The following NEK4 variants were observed in gnomAD, a reference collection of about 807,000 sequenced individuals.
NEK4 encodes the protein serine/threonine-protein kinase Nek4.
NEK4 carries 86 observed loss-of-function variants against 98.4 expected under a neutral mutation model. That is an observed-to-expected ratio of 0.87 (90% CI 0.73 to 1.05). The LOEUF (loss-of-function observed/expected upper bound fraction) is 1.05, where lower values mean the gene tolerates loss of function less well. Ranked by LOEUF, NEK4 falls within the 50% of genes least tolerant of loss-of-function variation. The probability of loss-of-function intolerance (pLI) is 0.00; values close to 1 mark genes in which losing one functional copy is unlikely to be tolerated. For synonymous variants in NEK4, 328 were observed against 342.2 expected (o/e 0.96, Z 0.46); for missense variants, 898 against 950.3 (o/e 0.94, Z 0.72).
At chr3:52,747,525 A>G (rs897968294) in intron 8 of NEK4, 1 of 152,336 alleles carries the variant, frequency 6.6e-6, no homozygotes, top group Non-Finnish European at 1.5e-5. Flanking sequence ...AAATTAAATC[A>G]TAATGCAACA....
chr3:52,758,036 A>T (rs1698192787), intron 6 of NEK4, among the ~76,000 whole-genome samples: 1 of 151,930 alleles, frequency 6.6e-6, no homozygotes, highest in Non-Finnish European at 1.5e-5. Flanking sequence ...AAAATTAGCC[A>T]GATGTTGTGG....
chr3:52,746,936 T>A, intron 8 of NEK4, 32 bp from the exon 9 acceptor site: 2 of 1,541,668 alleles, frequency 1.3e-6, no homozygotes, highest in Non-Finnish European at 1.8e-6. Flanking sequence ...TTTTAAAGTA[T>A]AGCAGCAACC....
intron 7 of NEK4, 123 bp downstream of exon 7, chr3:52,751,809 C>G (rs1374293462): frequency 5.2e-6 from 5 of 956,640 alleles, no homozygotes; most frequent in Non-Finnish European, 7.8e-6. Context: ...AAATATTCTT[C>G]TATGTTTAAA....
rs1389766204 is a variant in NEK4 at position 52,711,701 on chromosome 3, CTGTT to C, written c.*72_*75del. The stretch of plus-strand genomic sequence containing the variant: ...ACAGTGGTGAGTGGCTTCCAAATGA[CTGTT>C]TGCCCTTGCTTTTTAAGCCAAAATC... On this transcript the variant is annotated 3_prime_UTR_variant, in exon 16 of 16. Coordinates refer to ENST00000233027, the MANE Select transcript of NEK4 (RefSeq NM_003157.6). The C allele has an allele frequency of 9.4e-6, 8 of 848,318 alleles. No individual in the cohort carries two copies. The highest frequency in any genetic ancestry group is 2.2e-4 in the Middle Eastern group (1 of 4,520). 52.5% of individuals were successfully genotyped at this position (848,318 alleles called of 1,614,324 possible).
Position 52,709,226 on chromosome 3 carries a change from A to AAAAG in NEK4, c.*2547_*2550dup, listed in dbSNP as rs2097347869. 1 of 151,988 alleles carries AAAAG rather than the reference A, an allele frequency of 6.6e-6. No homozygotes were observed. Among genetic ancestry groups the AAAAG allele is most frequent in the African/African-American group, 2.4e-5 (1 of 41,356 alleles). 9.4% of individuals were successfully genotyped at this position (151,988 alleles called of 1,614,324 possible). A position where few individuals can be genotyped will look rare whatever the true frequency, so the allele number is the denominator to read the frequency against. ...TGATTGACATTTTAGAACCAATGCC[A>AAAAG]AAAGAGTAACACATCAAAGTCTCTG... On this transcript the variant is annotated 3_prime_UTR_variant, in exon 16 of 16. Coordinates refer to ENST00000233027, the MANE Select transcript of NEK4 (RefSeq NM_003157.6).
chr3:52,711,262 T>C lies in NEK4; in HGVS notation c.*515A>G, dbSNP rs937220661. ...GAAATACAGCTGCTCAAGTACTAGA[T>C]AGAACTTCATATTCTTTAAATCTAT... On this transcript the variant is annotated 3_prime_UTR_variant, in exon 16 of 16. Transcript: ENST00000233027. 2.6e-5 allele frequency: 4 copies of C among 152,306 alleles called. No homozygotes were observed. The highest frequency in any genetic ancestry group is 4.4e-5 in the Non-Finnish European group (3 of 68,058). 9.4% of individuals were successfully genotyped at this position (152,306 alleles called of 1,614,324 possible). A position where few individuals can be genotyped will look rare whatever the true frequency, so the allele number is the denominator to read the frequency against.
intron 15 of NEK4, among the ~76,000 whole-genome samples, chr3:52,726,837 G>A (rs1003843533): frequency 2.6e-5 from 4 of 152,072 alleles, no homozygotes; most frequent in African/African-American, 9.7e-5. Flanking sequence ...CTGGGAGGCG[G>A]AGGTTGCAGT....
chr3:52,743,336 G>A lies in NEK4; in HGVS notation c.2004+16C>T. The A allele has an allele frequency of 6.3e-7, 1 of 1,593,026 alleles. No homozygotes were observed. The highest frequency in any genetic ancestry group is 1.1e-5 in the South Asian group (1 of 90,684). On this transcript the variant is annotated intron_variant, in intron 12 of 15. Coordinates refer to ENST00000233027, the MANE Select transcript of NEK4 (RefSeq NM_003157.6). ...TGTAGACTGTCCACCTTCTCTCTTAGGAGTACGTAATGCACCTGAGTGACG... is the reference window on the plus strand; with the variant it reads ...TGTAGACTGTCCACCTTCTCTCTTAAGAGTACGTAATGCACCTGAGTGACG...
chr3:52,715,669 G>A (rs905250054), intron 15 of NEK4, among the ~76,000 whole-genome samples: 7 of 152,132 alleles, frequency 4.6e-5, no homozygotes, highest in African/African-American at 7.2e-5. Context: ...GATTACAGGC[G>A]TGAGCTACCA....
chr3:52,753,080 G>A (rs1165292905), intron 6 of NEK4, among the ~76,000 whole-genome samples: 3 of 150,254 alleles, frequency 2.0e-5, no homozygotes, highest in Non-Finnish European at 4.4e-5. Context: ...TATCATCCCA[G>A]CACTTGAGCT....
chr3:52,711,748 T>A lies in NEK4; in HGVS notation c.*29A>T, dbSNP rs1364870127. ...CCAAAATCCTCTAAAAATAGGTCTT[T>A]AATTCTGGCAGCAGATTAGGACAAA... On this transcript the variant is annotated 3_prime_UTR_variant, in exon 16 of 16. Transcript: ENST00000233027. 1 of 1,440,644 alleles carries A rather than the reference T, an allele frequency of 6.9e-7. No individual in the cohort carries two copies. Among genetic ancestry groups the A allele is most frequent in the African/African-American group, 1.4e-5 (1 of 71,336 alleles). 89.2% of individuals were successfully genotyped at this position (1,440,644 alleles called of 1,614,324 possible).
chr3:52,757,328 C>A (rs1270557590), intron 6 of NEK4, among the ~76,000 whole-genome samples: 2 of 152,034 alleles, frequency 1.3e-5, no homozygotes, highest in African/African-American at 4.8e-5. Context: ...GAGGCCAAGG[C>A]GGGTGGATTA....
intron 15 of NEK4, among the ~76,000 whole-genome samples, chr3:52,728,008 G>C (rs968946548): frequency 1.3e-5 from 2 of 152,270 alleles, no homozygotes; most frequent in African/African-American, 4.8e-5. Context: ...ATAGATGAGA[G>C]GATTGCATGA....
At chr3:52,768,183 T>C (rs1698646123) in intron 2 of NEK4, among the ~76,000 whole-genome samples, 155 bp downstream of exon 2, 1 of 152,228 alleles carries the variant, frequency 6.6e-6, no homozygotes, top group Non-Finnish European at 1.5e-5. Context: ...AAAGTTCCAA[T>C]GCTACAGAAA....
chr3:52,764,301 G>GA (rs1434294534), intron 4 of NEK4, among the ~76,000 whole-genome samples: 1 of 143,054 alleles, frequency 7.0e-6, no homozygotes, highest in Non-Finnish European at 1.5e-5. Context: ...AAAAAAAAAA[G>GA]AAAGAAAAGA....
chr3:52,733,372 C>T, intron 15 of NEK4: 2 of 359,598 alleles, frequency 5.6e-6, no homozygotes, highest in South Asian at 2.6e-5. Flanking sequence ...GCAAATGTAA[C>T]GAATGTGGTA....
chr3:52,735,154 C>T (rs1294748880), intron 15 of NEK4: 2 of 152,856 alleles, frequency 1.3e-5, no homozygotes, highest in Non-Finnish European at 2.9e-5. Flanking sequence ...TTTATTTCTA[C>T]TAATTTTATT....
intron 6 of NEK4, among the ~76,000 whole-genome samples, chr3:52,753,319 A>C (rs551410375): frequency 3.3e-5 from 5 of 152,198 alleles, no homozygotes; most frequent in African/African-American, 1.2e-4. Context: ...GAAAAGAAGT[A>C]AGCCAGGACA....
chr3:52,760,865 T>G lies in NEK4; in HGVS notation c.893A>C (p.Glu298Ala). Reference protein sequence around the residue: ...SKPFATVVSGEAESNHEVIHP... With the variant: ...SKPFATVVSGAAESNHEVIHP... ...GATTACTTCATGATTTGATTCTGCCTCTCCAGAAACCACTGTAGCAAAAGG... is the reference window on the plus strand; with the variant it reads ...GATTACTTCATGATTTGATTCTGCCGCTCCAGAAACCACTGTAGCAAAAGG... Residue 298 changes from glutamate to alanine, a missense_variant, in exon 6 of 16, where the codon GAG becomes GCG. Transcript: ENST00000233027. 1 of 1,608,936 alleles carries G rather than the reference T, an allele frequency of 6.2e-7. No homozygotes were observed. Among genetic ancestry groups the G allele is most frequent in the Non-Finnish European group, 8.5e-7 (1 of 1,175,606 alleles).
Sources: allele counts gnomAD v4.1 joint callset (sites outside exome capture counted in the v4.1 genomes callset), GRCh38; gene constraint gnomAD v4.1.1; transcripts MANE v1.5; gene names NCBI Gene and HGNC (gene_info 2026-07-23, HGNC 2026-07-21).